Variants in POP1 observed in about 807,000 individuals in gnomAD.
The protein encoded by POP1 is ribonucleases P/MRP protein subunit POP1.
A neutral mutation model predicts 102.2 loss-of-function variants in POP1; 75 were observed. The observed-to-expected ratio is 0.73, with a 90% CI of 0.61 to 0.89. The LOEUF is 0.89. Ranked by LOEUF, POP1 falls within the 40% of genes least tolerant of loss-of-function variation. POP1 has a pLI of 0.00. For missense variants in POP1, 1,116 were observed against 1,267.4 expected (o/e 0.88, Z 1.81); for synonymous variants, 436 against 464.1 (o/e 0.94, Z 0.78).
rs1586257156 is a variant in POP1 at position 98,158,601 on chromosome 8, G to A, written c.*330G>A. On this transcript the variant is annotated 3_prime_UTR_variant, in exon 16 of 16. Transcript: ENST00000401707. The stretch of plus-strand genomic sequence containing the variant: ...TTTTTTTGTTAGAAACAAAGGGCTT[G>A]TCAGGTCTATTTGAAAAACCTCATA... 1.4e-5 allele frequency: 4 copies of A among 280,220 alleles called. No homozygotes were observed. Among genetic ancestry groups the A allele is most frequent in the East Asian group, 9.8e-5 (1 of 10,216 alleles). 17.4% of individuals were successfully genotyped at this position (280,220 alleles called of 1,614,324 possible). A position where few individuals can be genotyped will look rare whatever the true frequency, so the allele number is the denominator to read the frequency against.
intron 1 of POP1, among the ~76,000 whole-genome samples, chr8:98,119,839 G>A (rs1249735685): frequency 6.6e-6 from 1 of 152,188 alleles, no homozygotes; most frequent in African/African-American, 2.4e-5. Context: ...CTCCCAAAGT[G>A]CTGGGATTAT....
At chr8:98,119,330 AC>A (rs1039700588) in intron 1 of POP1, among the ~76,000 whole-genome samples, 20 of 152,240 alleles carry the variant, frequency 1.3e-4, no homozygotes, top group African/African-American at 4.8e-4. Flanking sequence ...AGTCTGAATC[AC>A]CAACTTTTTA....
chr8:98,140,963 CTCTG>C (rs1278478594), intron 11 of POP1, 75 bp downstream of exon 11: 1 of 1,525,334 alleles, frequency 6.6e-7, no homozygotes, highest in East Asian at 2.3e-5. Context: ...AGAGTTCTTT[CTCTG>C]ACACCTCTCC....
intron 5 of POP1, among the ~76,000 whole-genome samples, chr8:98,132,203 C>T (rs1216305215): frequency 1.3e-5 from 2 of 152,186 alleles, no homozygotes; most frequent in Admixed American, 1.3e-4. Context: ...CTCATTTAAT[C>T]CTCAGAATAG....
Position 98,135,232 on chromosome 8 carries a change from C to T in POP1, c.1011+573C>T, listed in dbSNP as rs1469739585. 2.0e-5 allele frequency among the ~76,000 whole-genome samples: 3 copies of T among 151,636 alleles called. 1 individual carries two copies. Among genetic ancestry groups the T allele is most frequent in the Middle Eastern group, 6.4e-3 (2 of 312 alleles). The stretch of plus-strand genomic sequence containing the variant: ...AGGCAGAGTTGCAGTGAGATGAAAT[C>T]GTGCTATTGCACTCCAGCCTGGGTG... On this transcript the variant is annotated intron_variant, in intron 7 of 15. Transcript: ENST00000401707.
chr8:98,126,733 G>A (rs962379842), intron 2 of POP1, among the ~76,000 whole-genome samples: 1 of 152,142 alleles, frequency 6.6e-6, no homozygotes, highest in Admixed American at 6.5e-5. Context: ...TATACAATGT[G>A]CAAAAAGTTT....
intron 9 of POP1, 101 bp downstream of exon 9, chr8:98,137,055 T>C: frequency 2.9e-6 from 3 of 1,019,150 alleles, no homozygotes. Context: ...GGCCATGGCT[T>C]TTAGATGTTT....
At chr8:98,146,770 T>G (rs2130620843) in intron 12 of POP1, 87 bp downstream of exon 12, 1 of 995,004 alleles carries the variant, frequency 1.0e-6, no homozygotes, top group South Asian at 1.3e-5. Context: ...TTATTCATAC[T>G]TCATAGAATT....
chr8:98,144,507 T>C (rs1816792963), intron 11 of POP1, among the ~76,000 whole-genome samples: 1 of 152,156 alleles, frequency 6.6e-6, no homozygotes. Flanking sequence ...ACTCCTAGGC[T>C]CAAGTGATCC....
intron 2 of POP1, among the ~76,000 whole-genome samples, chr8:98,123,926 A>T (rs1235774464): frequency 1.3e-5 from 2 of 152,068 alleles, no homozygotes; most frequent in Admixed American, 1.3e-4. Context: ...TGAGTTTCCT[A>T]TTTGCAAGTT....
At chr8:98,132,258 A>G (rs1816401975) in intron 5 of POP1, among the ~76,000 whole-genome samples, 1 of 152,192 alleles carries the variant, frequency 6.6e-6, no homozygotes, top group African/African-American at 2.4e-5. Flanking sequence ...CAGATGGGGA[A>G]ACTGAGGTAC....
chr8:98,150,599 G>T lies in POP1; in HGVS notation c.2017G>T (p.Ala673Ser). ...FPDCPAGMLF[A>S]EEQAKNLLEK... ...AGACTGCCCTGCCGGGATGCTGTTTGCGGAAGAGCAAGCTAAGAATCTTCT... is the reference window on the plus strand; with the variant it reads ...AGACTGCCCTGCCGGGATGCTGTTTTCGGAAGAGCAAGCTAAGAATCTTCT... The change falls in exon 14 of 16, where the codon GCG (alanine) becomes TCG (serine). Residue 673 changes from alanine (A) to serine (S), a missense_variant. Physicochemically the swap from Ala to Ser is moderately conservative, Grantham distance 99. Transcript: ENST00000401707. 1 of 1,614,212 alleles carries T rather than the reference G, an allele frequency of 6.2e-7. No homozygotes were observed. Among genetic ancestry groups the T allele is most frequent in the South Asian group, 1.1e-5 (1 of 91,086 alleles).
chr8:98,123,363 A>G lies in POP1; in HGVS notation c.26A>G (p.His9Arg), dbSNP rs776241808. 6.2e-7 allele frequency: 1 copy of G among 1,613,948 alleles called. No homozygotes were observed. The highest frequency in any genetic ancestry group is 1.3e-5 in the African/African-American group (1 of 74,938). MSNAKERKHAKKMRNQPTN... is the reference protein window; with the variant it reads MSNAKERKRAKKMRNQPTN... ...ATGTCAAATGCAAAAGAAAGAAAAC[A>G]CGCCAAGAAAATGAGAAACCAGCCT... The change falls in exon 2 of 16, where the codon CAC becomes CGC. Residue 9 changes from histidine (H) to arginine (R), a missense_variant. Transcript: ENST00000401707.
intron 1 of POP1, among the ~76,000 whole-genome samples, chr8:98,121,703 G>A (rs140518471): frequency 6.8e-6 from 1 of 146,692 alleles, no homozygotes; most frequent in African/African-American, 2.5e-5. Flanking sequence ...TTTTTTTTGA[G>A]ATGGAGTCTT....
At chr8:98,132,672 G>T (rs1242933594) in intron 5 of POP1, among the ~76,000 whole-genome samples, 1 of 152,072 alleles carries the variant, frequency 6.6e-6, no homozygotes, top group Non-Finnish European at 1.5e-5. Flanking sequence ...TTGTCTGTCA[G>T]ATAAGATAAC....
intron 1 of POP1, among the ~76,000 whole-genome samples, chr8:98,122,805 C>G (rs1281694946): frequency 6.6e-6 from 1 of 152,144 alleles, no homozygotes; most frequent in Non-Finnish European, 1.5e-5. Context: ...CTGCTTCAAA[C>G]TGAATCAGTA....
intron 2 of POP1, 139 bp from the exon 3 acceptor site, chr8:98,127,456 A>C (rs1162543352): frequency 1.0e-6 from 1 of 1,003,056 alleles, no homozygotes; most frequent in Non-Finnish European, 1.5e-6. Context: ...CCTCTTTAAA[A>C]ATAAGTAGTA....
intron 2 of POP1, among the ~76,000 whole-genome samples, chr8:98,127,348 C>T (rs1302683392): frequency 6.6e-6 from 1 of 152,106 alleles, no homozygotes; most frequent in Non-Finnish European, 1.5e-5. Context: ...TCTGTTATAT[C>T]CAAGGTCCTT....
At chr8:98,125,456 G>A (rs1816171869) in intron 2 of POP1, among the ~76,000 whole-genome samples, 1 of 152,100 alleles carries the variant, frequency 6.6e-6, no homozygotes, top group South Asian at 2.1e-4. Context: ...AAAGTGCTGG[G>A]ATTACAGGCG....
Sources: gnomAD v4.1 joint callset for allele counts (sites outside exome capture counted in the v4.1 genomes callset) on GRCh38, gnomAD v4.1.1 for gene constraint, MANE v1.5 for transcripts, NCBI Gene and HGNC (gene_info 2026-07-23, HGNC 2026-07-21) for gene names.